UPF2: variants seen among roughly 807,000 people sequenced by gnomAD.
UPF2 encodes UPF2 regulator of nonsense mediated mRNA decay.
Under a neutral mutation model 141.4 loss-of-function variants are expected in UPF2, and 17 were observed. That is an observed-to-expected ratio of 0.12 (90% CI 0.08 to 0.18). UPF2 has a LOEUF of 0.18. Among genes scored for constraint, UPF2 ranks in the 10% least tolerant of loss-of-function variants. The pLI, the probability that UPF2 is intolerant of heterozygous loss-of-function variation, is 1.00. For synonymous variants in UPF2, 540 were observed against 498.0 expected (o/e 1.08, Z -1.12); for missense variants, 1,152 against 1,515.9 (o/e 0.76, Z 3.99).
intron 4 of UPF2, among the ~76,000 whole-genome samples, chr10:12,011,729 T>C (rs1588568563): frequency 1.3e-5 from 2 of 152,098 alleles, no homozygotes; most frequent in Middle Eastern, 6.8e-3. Context: ...ACAGATCACC[T>C]GAGGTTGGGA....
In UPF2 at chr10:12,019,589, G is replaced by C. The variant is rs1005086562; in HGVS notation, c.1146-5405C>G. 1.5e-4 allele frequency among the ~76,000 whole-genome samples: 23 copies of C among 152,116 alleles called. No individual in the cohort carries two copies. The highest frequency in any genetic ancestry group is 5.3e-4 in the African/African-American group (22 of 41,404). The stretch of plus-strand genomic sequence containing the variant: ...TACAGATATAAACAGTAAGTAATGA[G>C]AACAAAATCTATGCCAACTCTTATG... On this transcript the variant is annotated intron_variant, in intron 3 of 21. Transcript: ENST00000357604. The surrounding 1 kb of genome is among the most constrained non-coding windows in gnomAD (Gnocchi z 4.5).
At chr10:12,008,929 T>C (rs1834083376) in intron 4 of UPF2, among the ~76,000 whole-genome samples, 1 of 152,074 alleles carries the variant, frequency 6.6e-6, no homozygotes, top group South Asian at 2.1e-4. Flanking sequence ...CACTTATGAG[T>C]GAGAACATGT....
Position 12,014,289 on chromosome 10 carries a change from G to T in UPF2, c.1146-105C>A. On this transcript the variant is annotated intron_variant, in intron 3 of 21. Transcript: ENST00000357604. The surrounding 1 kb of genome is among the most constrained non-coding windows in gnomAD (Gnocchi z 5.0). The stretch of plus-strand genomic sequence containing the variant: ...AATTTGATTTTCTCATACAAATTTA[G>T]TAAAATCTTCATTTTTATTTAACAT... The T allele has an allele frequency of 9.0e-7, 1 of 1,106,424 alleles. No individual in the cohort carries two copies. Among genetic ancestry groups the T allele is most frequent in the Non-Finnish European group, 1.2e-6 (1 of 859,098 alleles). 68.5% of individuals were successfully genotyped at this position (1,106,424 alleles called of 1,614,324 possible).
chr10:12,015,288 A>C (rs545280161), intron 3 of UPF2, among the ~76,000 whole-genome samples: 2 of 152,236 alleles, frequency 1.3e-5, no homozygotes, highest in South Asian at 2.1e-4. Context: ...ATCTTCTAAA[A>C]GTTACAGAGA....
intron 3 of UPF2, among the ~76,000 whole-genome samples, chr10:12,021,756 A>C (rs1439555224): frequency 6.6e-6 from 1 of 152,232 alleles, no homozygotes; most frequent in African/African-American, 2.4e-5. Context: ...AATCTTTAAA[A>C]GAATGATCAT....
intron 16 of UPF2, 63 bp from the exon 17 acceptor site, chr10:11,943,231 CT>C: frequency 7.7e-7 from 1 of 1,300,962 alleles, no homozygotes; most frequent in Non-Finnish European, 1.1e-6. Context: ...TTTTACATGC[CT>C]TAAAAAGATT....
chr10:11,981,701 G>A (rs1202365248), intron 8 of UPF2, among the ~76,000 whole-genome samples: 1 of 149,040 alleles, frequency 6.7e-6, no homozygotes, highest in Non-Finnish European at 1.5e-5. Flanking sequence ...TTTTTTCTGA[G>A]ACGGAGTCTC....
chr10:11,951,995 A>G (rs1833081006), intron 15 of UPF2, 71 bp downstream of exon 15: 1 of 1,499,896 alleles, frequency 6.7e-7, no homozygotes, highest in East Asian at 2.3e-5. Flanking sequence ...GACTGGTAAC[A>G]TTATAAAGCA....
At position 12,014,641 on chromosome 10, in the gene UPF2, T is replaced by C. The variant is rs1181559778; in HGVS notation, c.1146-457A>G. 2.0e-5 allele frequency among the ~76,000 whole-genome samples: 3 copies of C among 152,172 alleles called. No homozygotes were observed. The highest frequency in any genetic ancestry group is 2.1e-4 in the South Asian group (1 of 4,830). ...TATATCACAAAATAATCAAAAATTATTTGGTTTTTTATTACTGTCATACTC... is the reference window on the plus strand; with the variant it reads ...TATATCACAAAATAATCAAAAATTACTTGGTTTTTTATTACTGTCATACTC... On this transcript the variant is annotated intron_variant, in intron 3 of 21. Transcript: ENST00000357604. This position sits in a 1 kb window ranked among gnomAD's most constrained non-coding sequence, Gnocchi z 5.0.
At chr10:11,970,189 T>A (rs1190932014) in intron 9 of UPF2, among the ~76,000 whole-genome samples, 1 of 152,164 alleles carries the variant, frequency 6.6e-6, no homozygotes, top group East Asian at 1.9e-4. Flanking sequence ...TGACTACACT[T>A]CACTTGGTAC....
At chr10:12,028,440 A>C (rs1834458038) in intron 3 of UPF2, among the ~76,000 whole-genome samples, 2 of 152,214 alleles carry the variant, frequency 1.3e-5, no homozygotes, top group Admixed American at 1.3e-4. Flanking sequence ...TAAGTGACAG[A>C]AAAGGAAATT....
At position 11,921,472 on chromosome 10, in the gene UPF2, A is replaced by G. The variant is rs1013818689; in HGVS notation, c.3810-165T>C. Among the ~76,000 whole-genome samples the G allele has an allele frequency of 1.3e-5, 2 of 152,166 alleles. No individual in the cohort carries two copies. The highest frequency in any genetic ancestry group is 2.4e-5 in the African/African-American group (1 of 41,446). On this transcript the variant is annotated intron_variant, in intron 21 of 21. Transcript: ENST00000357604. The surrounding 1 kb of genome is among the most constrained non-coding windows in gnomAD (Gnocchi z 5.9). Reference sequence around the variant, plus strand: ...TCCATGGACCAAAAATATTCGGGGGAAAAAAACCCAAACAATAAAAAATAA... The same window carrying G: ...TCCATGGACCAAAAATATTCGGGGGGAAAAAACCCAAACAATAAAAAATAA...
rs374601718 is a variant in UPF2, at chr10:11,997,627, C to T, written c.1844+45G>A. ...AAGAATTTTGATCTTACAGCCAGCA[C>T]TACAGAGTAAAAACACTAATAAATT... On this transcript the variant is annotated intron_variant, in intron 8 of 21. Transcript: ENST00000357604. The T allele has an allele frequency of 3.8e-6, 6 of 1,568,478 alleles. No homozygotes were observed. In the African/African-American group the frequency reaches 6.8e-5, roughly 18 times the overall value.
chr10:11,972,075 A>C lies in UPF2; in HGVS notation c.1954-4621T>G, dbSNP rs1301634481. 4.6e-5 allele frequency among the ~76,000 whole-genome samples: 7 copies of C among 151,988 alleles called. No individual in the cohort carries two copies. In the South Asian group the frequency reaches 1.2e-3, roughly 27 times the overall value. Reference sequence around the variant, plus strand: ...CAAGACTCTGTCTCAAAAAAAAAAAAAAAAAAACACACAAAAAAACACTCT... The same window carrying C: ...CAAGACTCTGTCTCAAAAAAAAAAACAAAAAAACACACAAAAAAACACTCT... On this transcript the variant is annotated intron_variant, in intron 9 of 21. Transcript: ENST00000357604.
chr10:12,027,108 G>C (rs570337391), intron 3 of UPF2, among the ~76,000 whole-genome samples: 1 of 152,048 alleles, frequency 6.6e-6, no homozygotes, highest in African/African-American at 2.4e-5. Flanking sequence ...CATTTTGTGG[G>C]AAGTTAAATT....
intron 6 of UPF2, 27 bp from the exon 7 acceptor site, chr10:12,000,036 G>T: frequency 2.7e-6 from 4 of 1,505,264 alleles, no homozygotes; most frequent in Non-Finnish European, 3.6e-6. Context: ...TTTTAAATAG[G>T]TTAAAAAAAA....
chr10:11,920,919 T>C lies in UPF2; in HGVS notation c.*379A>G. ...ACTCAAATCAAGTTTAAAGCTCAAG[T>C]TCATTTCCCCCACACCATTACCATC... On this transcript the variant is annotated 3_prime_UTR_variant, in exon 22 of 22. Transcript: ENST00000357604. 2.2e-6 allele frequency: 1 copy of C among 461,250 alleles called. No individual in the cohort carries two copies. The highest frequency in any genetic ancestry group is 4.5e-6 in the Non-Finnish European group (1 of 224,194). 28.6% of individuals were successfully genotyped at this position (461,250 alleles called of 1,614,324 possible).
In UPF2 at chr10:11,979,234, A is replaced by G; in HGVS notation, c.1845-69T>C. ...AAAAATAATTCATTTTAAAATTTAA[A>G]CTTTTCAGATGTATTCACACATTAA... On this transcript the variant is annotated intron_variant, in intron 8 of 21. Transcript: ENST00000357604. The surrounding 1 kb of genome is among the most constrained non-coding windows in gnomAD (Gnocchi z 6.2). 2.5e-6 allele frequency: 3 copies of G among 1,216,524 alleles called. No individual in the cohort carries two copies. The South Asian group carries it at 4.2e-5, about 17-fold the overall frequency. The allele number at this position is 1,216,524 out of a possible 1,614,324, so 75.4% of individuals were successfully genotyped here. A position where few individuals can be genotyped will look rare whatever the true frequency, so the allele number is the denominator to read the frequency against.
At chr10:11,964,848 GA>G (rs1272252860) in intron 10 of UPF2, among the ~76,000 whole-genome samples, 1 of 152,100 alleles carries the variant, frequency 6.6e-6, no homozygotes, top group African/African-American at 2.4e-5. Context: ...TGAGATTGTG[GA>G]ATACAGTATT....
Sources: allele counts gnomAD v4.1 joint callset (sites outside exome capture counted in the v4.1 genomes callset), GRCh38; gene constraint gnomAD v4.1.1; non-coding constraint Gnocchi (gnomAD v3.1); transcripts MANE v1.5; gene names NCBI Gene and HGNC (gene_info 2026-07-23, HGNC 2026-07-21).